Variants in WDR49 observed in about 807,000 individuals in gnomAD.
WDR49 encodes the protein cilia- and flagella-associated protein 337.
In WDR49, 107 loss-of-function variants were observed where a neutral mutation model predicts 119.5. The observed-to-expected ratio is 0.90, with a 90% CI of 0.77 to 1.05. The LOEUF (loss-of-function observed/expected upper bound fraction) is 1.05, where lower values mean the gene tolerates loss of function less well. Ranked by LOEUF, WDR49 falls within the 50% of genes least tolerant of loss-of-function variation. The pLI is 0.00. For synonymous variants in WDR49, 425 were observed against 418.8 expected, an observed-to-expected ratio of 1.01 and a Z score of -0.18; for missense variants, 1,240 against 1,220.5, an observed-to-expected ratio of 1.02 and a Z score of -0.24.
At chr3:167,564,268 A>C (rs1713451435) in intron 8 of WDR49, among the ~76,000 whole-genome samples, 1 of 152,212 alleles carries the variant, frequency 6.6e-6, no homozygotes, top group Non-Finnish European at 1.5e-5. Context: ...GCAGGAAAAC[A>C]ATGTGTTGAA....
In WDR49 at chr3:167,522,659, A is replaced by G. The variant is rs183675404; in HGVS notation, c.2605-175T>C. Among the ~76,000 whole-genome samples, 152 of 152,306 alleles carry G rather than the reference A, an allele frequency of 1.0e-3. No homozygotes were observed. In the Middle Eastern group the frequency reaches 0.014, roughly 14 times the overall value. On this transcript the variant is annotated intron_variant, in intron 15 of 18. Coordinates refer to ENST00000682715, the MANE Select transcript of WDR49 (RefSeq NM_001366157.1). ...GCTTACAGTTTTACATGGGAAATGA[A>G]AGAGTTTCATGTAACTTTAATAAAG...
chr3:167,627,571 A>G (rs915584336), intron 2 of WDR49, among the ~76,000 whole-genome samples: 3 of 152,072 alleles, frequency 2.0e-5, no homozygotes, highest in African/African-American at 4.8e-5. Flanking sequence ...TGATAGAAGC[A>G]TGGAATGATG....
At chr3:167,614,143 G>A (rs977064833) in intron 5 of WDR49, among the ~76,000 whole-genome samples, 2 of 152,032 alleles carry the variant, frequency 1.3e-5, no homozygotes, top group African/African-American at 4.8e-5. Context: ...CGCCCAGGTT[G>A]GAGTGCTATG....
At chr3:167,530,578 A>C (rs566748516) in intron 13 of WDR49, among the ~76,000 whole-genome samples, 165 of 152,162 alleles carry the variant, frequency 1.1e-3, no homozygotes, top group African/African-American at 3.5e-3. Context: ...TTAAAAAAAA[A>C]AACAAAACGA....
chr3:167,496,917 GAGAGGTA>G (rs1461962843), intron 18 of WDR49, among the ~76,000 whole-genome samples: 13 of 145,802 alleles, frequency 8.9e-5, no homozygotes, highest in Admixed American at 2.7e-4. Context: ...CTCTACTAAC[GAGAGGTA>G]AATGTAAAAC....
intron 2 of WDR49, among the ~76,000 whole-genome samples, chr3:167,629,622 T>G (rs558638172): frequency 6.6e-6 from 1 of 152,222 alleles, no homozygotes; most frequent in South Asian, 2.1e-4. Context: ...GCAAAGTAAA[T>G]TAAAAACCTT....
chr3:167,609,035 G>A (rs1250861499), intron 5 of WDR49, among the ~76,000 whole-genome samples: 1 of 152,104 alleles, frequency 6.6e-6, no homozygotes, highest in Non-Finnish European at 1.5e-5. Flanking sequence ...AATGAAAAGT[G>A]ATACCTAAAA....
rs1302630878 is a variant in WDR49 at position 167,596,184 on chromosome 3, C to A, written c.1275+5943G>T. On this transcript the variant is annotated intron_variant, in intron 7 of 18. Coordinates refer to ENST00000682715, the MANE Select transcript of WDR49 (RefSeq NM_001366157.1). Reference sequence around the variant, plus strand: ...ACCACAGTGAGATACCATCTCACACCAGTTAGAATGGCAATCATTAAAATG... The same window carrying A: ...ACCACAGTGAGATACCATCTCACACAAGTTAGAATGGCAATCATTAAAATG... Among the ~76,000 whole-genome samples, 13 of 152,044 alleles carry A rather than the reference C, an allele frequency of 8.6e-5. No individual in the cohort carries two copies. The South Asian group carries it at 2.7e-3, about 32-fold the overall frequency.
chr3:167,544,312 A>G (rs1014170562), intron 10 of WDR49, among the ~76,000 whole-genome samples: 33 of 152,020 alleles, frequency 2.2e-4, no homozygotes, highest in Admixed American at 2.2e-3. Flanking sequence ...TAGAAAAAAC[A>G]AACCTAAAAT....
chr3:167,516,670 G>A (rs927658312), intron 16 of WDR49, among the ~76,000 whole-genome samples: 13 of 151,928 alleles, frequency 8.6e-5, no homozygotes, highest in Admixed American at 2.6e-4. Context: ...CTGAGGAATC[G>A]CCACACTGAC....
chr3:167,554,924 T>A, intron 9 of WDR49, 126 bp from the exon 10 acceptor site: 3 of 652,136 alleles, frequency 4.6e-6, no homozygotes, highest in Non-Finnish European at 7.6e-6. Context: ...ATTTTGCCAC[T>A]ATATTACTCT....
In WDR49 at chr3:167,517,708, T is replaced by C. The variant is rs544401323; in HGVS notation, c.2774+4607A>G. 8.0e-4 allele frequency among the ~76,000 whole-genome samples: 118 copies of C among 147,042 alleles called. 1 individual carries two copies. The highest frequency in any genetic ancestry group is 3.0e-3 in the Admixed American group (44 of 14,788). ...TTTTCCGTTTTTAACCTTTACTTTT[T>C]TTTTCTTTTCTTTTCTTTTCTTTTC... On this transcript the variant is annotated intron_variant, in intron 16 of 18. Coordinates refer to ENST00000682715, the MANE Select transcript of WDR49 (RefSeq NM_001366157.1).
At chr3:167,633,465 A>G (rs764420382) in intron 2 of WDR49, 1 of 456,284 alleles carries the variant, frequency 2.2e-6, no homozygotes. Flanking sequence ...CATCCATGTG[A>G]GTAATCCCAG....
intron 7 of WDR49, among the ~76,000 whole-genome samples, chr3:167,585,835 T>G (rs1389928068): frequency 2.0e-5 from 3 of 152,114 alleles, no homozygotes; most frequent in African/African-American, 4.8e-5. Context: ...ATGATAGTTA[T>G]TCCTTGGGAA....
rs535761063 is a variant in WDR49 at position 167,569,892 on chromosome 3, A to G, written c.1509+6026T>C. The stretch of plus-strand genomic sequence containing the variant: ...AGATAAGAGAAAATATATGCCACCT[A>G]TCTTTTTGTTGTTTTGAATTTTTCA... On this transcript the variant is annotated intron_variant, in intron 8 of 18. Coordinates refer to ENST00000682715, the MANE Select transcript of WDR49 (RefSeq NM_001366157.1). Among the ~76,000 whole-genome samples, 117 of 152,168 alleles carry G rather than the reference A, an allele frequency of 7.7e-4. 1 individual carries two copies. The highest frequency in any genetic ancestry group is 1.5e-3 in the Non-Finnish European group (103 of 68,018).
At chr3:167,480,105 C>A (rs777149886) in intron 18 of WDR49, among the ~76,000 whole-genome samples, 1 of 151,586 alleles carries the variant, frequency 6.6e-6, no homozygotes, top group Middle Eastern at 3.4e-3. Context: ...TGGTGGCAGG[C>A]GCCTGTAATC....
intron 15 of WDR49, among the ~76,000 whole-genome samples, chr3:167,525,004 C>A (rs1752583295): frequency 6.6e-6 from 1 of 152,108 alleles, no homozygotes; most frequent in African/African-American, 2.4e-5. Flanking sequence ...GGCAGTATGG[C>A]CATTTTCATG....
intron 2 of WDR49, chr3:167,633,310 T>C: frequency 2.7e-6 from 1 of 375,500 alleles, no homozygotes; most frequent in Middle Eastern, 4.0e-4. Context: ...CTAGTTTTTG[T>C]CTTAAAAAGA....
chr3:167,534,485 G>A (rs545847909), intron 11 of WDR49, among the ~76,000 whole-genome samples: 1 of 152,230 alleles, frequency 6.6e-6, no homozygotes, highest in East Asian at 1.9e-4. Flanking sequence ...CCTTCCAGTG[G>A]CTATAAAGCT....
Sources: allele counts gnomAD v4.1 joint callset (sites outside exome capture counted in the v4.1 genomes callset), GRCh38; gene constraint gnomAD v4.1.1; transcripts MANE v1.5; gene names NCBI Gene and HGNC (gene_info 2026-07-23, HGNC 2026-07-21).